MLLT10: variants seen among roughly 807,000 people sequenced by gnomAD.
MLLT10 encodes MLLT10 histone lysine methyltransferase DOT1L cofactor.
A neutral mutation model predicts 129.1 loss-of-function variants in MLLT10; 30 were observed. That is an observed-to-expected ratio of 0.23 (90% CI 0.17 to 0.32). The LOEUF (loss-of-function observed/expected upper bound fraction) is 0.32, where lower values mean the gene tolerates loss of function less well. MLLT10 is among the 10% of genes least tolerant of loss of function. The probability of loss-of-function intolerance (pLI) is 1.00; values close to 1 mark genes in which losing one functional copy is unlikely to be tolerated. For missense variants in MLLT10, 1,119 were observed against 1,268.3 expected, an observed-to-expected ratio of 0.88 and a Z score of 1.79; for synonymous variants, 490 against 446.4, an observed-to-expected ratio of 1.10 and a Z score of -1.23.
intron 13 of MLLT10, among the ~76,000 whole-genome samples, chr10:21,683,679 G>A (rs1193754818): frequency 1.3e-5 from 2 of 152,012 alleles, no homozygotes; most frequent in Non-Finnish European, 2.9e-5. Flanking sequence ...AATTTGTACA[G>A]TATTTTCTCT....
At chr10:21,729,755 G>A (rs1238585758) in intron 16 of MLLT10, among the ~76,000 whole-genome samples, 3 of 152,148 alleles carry the variant, frequency 2.0e-5, no homozygotes, top group Non-Finnish European at 4.4e-5. Context: ...GAGATCATAT[G>A]AGATATATAC....
chr10:21,555,556 G>A (rs904895482), intron 3 of MLLT10, among the ~76,000 whole-genome samples: 1 of 151,994 alleles, frequency 6.6e-6, no homozygotes, highest in African/African-American at 2.4e-5. Context: ...TTTTGTTTCA[G>A]TTACGAAACT....
At chr10:21,546,454 G>A (rs1380848165) in intron 3 of MLLT10, among the ~76,000 whole-genome samples, 2 of 151,896 alleles carry the variant, frequency 1.3e-5, no homozygotes, top group Non-Finnish European at 2.9e-5. Context: ...GCCCAGGCTG[G>A]AGTGCAGTGG....
Position 21,670,544 on chromosome 10 carries a change from C to T in MLLT10, c.891C>T (p.Val297=), listed in dbSNP as rs772583222. 1 of 1,614,128 alleles carries T rather than the reference C, an allele frequency of 6.2e-7. No individual in the cohort carries two copies. Among genetic ancestry groups the T allele is most frequent in the Non-Finnish European group, 8.5e-7 (1 of 1,180,022 alleles). Residue 297 remains valine, a synonymous_variant, in exon 10 of 23, where the codon GTC becomes GTT. Coordinates refer to ENST00000307729, the MANE Select transcript of MLLT10 (RefSeq NM_001195626.3). ...ARFTNANFQE[V]SAHTSSGKDV... The stretch of plus-strand genomic sequence containing the variant: ...TTACAAATGCAAATTTCCAGGAAGT[C>T]TCTGCACACACCTCTAGTGGAAAAG...
intron 8 of MLLT10, among the ~76,000 whole-genome samples, chr10:21,621,250 C>CTT (rs1410904986): frequency 3.6e-5 from 4 of 111,172 alleles, no homozygotes; most frequent in Admixed American, 9.6e-5. Context: ...CCCCGCTCCC[C>CTT]TTTTTTTTTT....
chr10:21,663,378 CTTTTTTT>C (rs776512240), intron 9 of MLLT10, among the ~76,000 whole-genome samples: 2 of 140,022 alleles, frequency 1.4e-5, no homozygotes, highest in Non-Finnish European at 3.1e-5. Flanking sequence ...TTTGTCTTTC[CTTTTTTT>C]TTTTTTTTGA....
intron 14 of MLLT10, among the ~76,000 whole-genome samples, chr10:21,721,280 A>G (rs763156643): frequency 2.6e-5 from 4 of 152,172 alleles, no homozygotes; most frequent in Non-Finnish European, 5.9e-5. Flanking sequence ...TAGATGATAC[A>G]TTGCTGTTAA....
At chr10:21,741,458 T>C (rs1266615521) in intron 22 of MLLT10, among the ~76,000 whole-genome samples, 1 of 152,238 alleles carries the variant, frequency 6.6e-6, no homozygotes, top group East Asian at 1.9e-4. Context: ...CCCTGCTATG[T>C]GCCAGGTGTC....
At chr10:21,584,688 GT>G (rs1199194758) in intron 3 of MLLT10, among the ~76,000 whole-genome samples, 1 of 151,008 alleles carries the variant, frequency 6.6e-6, no homozygotes, top group African/African-American at 2.4e-5. Flanking sequence ...CCAATTTTTT[GT>G]TGTAATTTAT....
At chr10:21,700,144 A>T (rs2054771358) in intron 13 of MLLT10, among the ~76,000 whole-genome samples, 2 of 147,546 alleles carry the variant, frequency 1.4e-5, no homozygotes, top group Admixed American at 6.7e-5. Context: ...AGTAAACAGG[A>T]CTGCTGCCTT....
At chr10:21,635,519 T>C (rs1316299082) in intron 8 of MLLT10, among the ~76,000 whole-genome samples, 1 of 151,952 alleles carries the variant, frequency 6.6e-6, no homozygotes, top group Non-Finnish European at 1.5e-5. Context: ...GTGCATGCCA[T>C]GTCACCTGGC....
At chr10:21,552,077 C>T (rs371241237) in intron 3 of MLLT10, among the ~76,000 whole-genome samples, 1 of 152,132 alleles carries the variant, frequency 6.6e-6, no homozygotes, top group Non-Finnish European at 1.5e-5. Flanking sequence ...TAGGTACACA[C>T]CGCCATGCCT....
At chr10:21,684,365 C>A (rs908440358) in intron 13 of MLLT10, among the ~76,000 whole-genome samples, 3 of 152,172 alleles carry the variant, frequency 2.0e-5, no homozygotes, top group African/African-American at 7.2e-5. Context: ...CCAATTTAGA[C>A]TTTTCTCCTG....
chr10:21,606,716 T>A (rs954862808), intron 5 of MLLT10, among the ~76,000 whole-genome samples: 21 of 152,356 alleles, frequency 1.4e-4, no homozygotes, highest in African/African-American at 5.0e-4. Context: ...GTATATCTTC[T>A]CATAGATGAA....
intron 5 of MLLT10, among the ~76,000 whole-genome samples, chr10:21,604,267 C>T (rs146006865): frequency 2.0e-5 from 3 of 152,238 alleles, no homozygotes; most frequent in East Asian, 3.9e-4. Flanking sequence ...TTGGAATTGG[C>T]GATGGATTAA....
intron 8 of MLLT10, among the ~76,000 whole-genome samples, chr10:21,628,740 CTTTT>C (rs1161362725): frequency 4.0e-5 from 4 of 99,362 alleles, no homozygotes; most frequent in Non-Finnish European, 5.9e-5. Flanking sequence ...TGTGCCCTGC[CTTTT>C]TTTTTTTTTT....
chr10:21,682,123 C>A, intron 12 of MLLT10, 102 bp from the exon 13 acceptor site: 2 of 888,428 alleles, frequency 2.3e-6, no homozygotes, highest in Non-Finnish European at 3.4e-6. Flanking sequence ...ATATGATAGA[C>A]TTACTGAAAT....
chr10:21,705,659 A>C (rs1302769441), intron 13 of MLLT10, among the ~76,000 whole-genome samples: 1 of 152,166 alleles, frequency 6.6e-6, no homozygotes, highest in African/African-American at 2.4e-5. Flanking sequence ...AGTAGCCCAC[A>C]CTTTGCTCAT....
intron 4 of MLLT10, among the ~76,000 whole-genome samples, chr10:21,589,709 G>C (rs1305881966): frequency 2.0e-5 from 3 of 151,990 alleles, no homozygotes; most frequent in Non-Finnish European, 4.4e-5. Context: ...GAATTATAGT[G>C]GTTTTGTCAG....
Sources: allele counts gnomAD v4.1 joint callset (sites outside exome capture counted in the v4.1 genomes callset), GRCh38; gene constraint gnomAD v4.1.1; transcripts MANE v1.5; gene names NCBI Gene and HGNC (gene_info 2026-07-23, HGNC 2026-07-21).